GALNT13: variants seen among roughly 807,000 people sequenced by gnomAD.
The protein encoded by GALNT13 is UDP-GalNAc:polypeptide N-acetylgalactosaminyltransferase 13.
In GALNT13, 28 loss-of-function variants were observed where a neutral mutation model predicts 64.2. That is an observed-to-expected ratio of 0.44 (90% confidence interval 0.32 to 0.60). GALNT13 has a LOEUF of 0.60. Among genes scored for constraint, GALNT13 ranks in the 20% least tolerant of loss-of-function variants. GALNT13 has a pLI of 0.05. For missense variants in GALNT13, 577 were observed against 669.8 expected (o/e 0.86, Z 1.53); for synonymous variants, 214 against 224.6 (o/e 0.95, Z 0.42).
the GALNT13 span, among the ~76,000 whole-genome samples, chr2:153,101,828 C>A: frequency 3.3e-5 from 5 of 152,306 alleles, no homozygotes; most frequent in South Asian, 4.1e-4. Flanking sequence ...TCTGTCTTTG[C>A]GTAGAAATAA....
the GALNT13 span, among the ~76,000 whole-genome samples, chr2:153,381,147 A>G: frequency 6.6e-6 from 1 of 151,940 alleles, no homozygotes; most frequent in Non-Finnish European, 1.5e-5. Flanking sequence ...GGGTGTCACC[A>G]TGTTTCCCAG....
chr2:153,973,641 T>C (rs1278777933), intron 3 of GALNT13, among the ~76,000 whole-genome samples: 2 of 151,872 alleles, frequency 1.3e-5, no homozygotes, highest in African/African-American at 4.8e-5. Flanking sequence ...GTTCAGAACC[T>C]ATGATTGATC....
chr2:153,770,079 G>T, the GALNT13 span, among the ~76,000 whole-genome samples: 2 of 152,060 alleles, frequency 1.3e-5, no homozygotes, highest in Non-Finnish European at 2.9e-5. Context: ...ATTTCATTTT[G>T]GTTAAGATCC....
intron 4 of GALNT13, among the ~76,000 whole-genome samples, chr2:154,163,932 T>C (rs997483358): frequency 6.6e-6 from 1 of 152,206 alleles, no homozygotes; most frequent in African/African-American, 2.4e-5. Flanking sequence ...ATAATAGTAT[T>C]GACTTTGATA....
chr2:153,147,585 G>A, the GALNT13 span, among the ~76,000 whole-genome samples: 48 of 148,644 alleles, frequency 3.2e-4, no homozygotes, highest in African/African-American at 1.1e-3. Context: ...TTTTGAAATC[G>A]GTTACAGTAA....
At chr2:153,331,248 C>T in the GALNT13 span, among the ~76,000 whole-genome samples, 99,961 of 149,594 alleles carry the variant, frequency 0.67, 34,596 homozygotes, top group Non-Finnish European at 0.74. Context: ...TTCATCATGT[C>T]TTTGCCAAGT....
intron 9 of GALNT13, among the ~76,000 whole-genome samples, chr2:154,326,417 A>G (rs1489133485): frequency 6.6e-6 from 1 of 152,020 alleles, no homozygotes; most frequent in African/African-American, 2.4e-5. Context: ...GACATTTGAT[A>G]CTTGGAACAT....
At chr2:154,017,536 A>G (rs1697092432) in intron 3 of GALNT13, among the ~76,000 whole-genome samples, 1 of 152,192 alleles carries the variant, frequency 6.6e-6, no homozygotes, top group Non-Finnish European at 1.5e-5. Flanking sequence ...CTAGGGTGTT[A>G]TTCATAAGTG....
chr2:153,378,069 A>T, the GALNT13 span, among the ~76,000 whole-genome samples: 1 of 152,142 alleles, frequency 6.6e-6, no homozygotes, highest in Admixed American at 6.6e-5. Flanking sequence ...AGAGTCTCAA[A>T]ATAATTCAAA....
chr2:153,751,527 G>C, the GALNT13 span, among the ~76,000 whole-genome samples: 2 of 151,724 alleles, frequency 1.3e-5, no homozygotes, highest in African/African-American at 4.8e-5. Context: ...GGGTGCATAT[G>C]TATTAAAAAT....
At chr2:154,133,686 T>TA (rs1280553093) in intron 3 of GALNT13, among the ~76,000 whole-genome samples, 1 of 150,902 alleles carries the variant, frequency 6.6e-6, no homozygotes, top group East Asian at 2.0e-4. Flanking sequence ...CCTTCTACTT[T>TA]AAAAAAATTA....
At chr2:153,712,666 A>G in the GALNT13 span, among the ~76,000 whole-genome samples, 1 of 152,182 alleles carries the variant, frequency 6.6e-6, no homozygotes, top group African/African-American at 2.4e-5. Context: ...ACTCCATTAA[A>G]TGATTATTTT....
chr2:153,094,441 T>C, the GALNT13 span, among the ~76,000 whole-genome samples: 1 of 152,154 alleles, frequency 6.6e-6, no homozygotes, highest in Admixed American at 6.5e-5. Context: ...AGAATCAATA[T>C]TGTGAAAATG....
Position 154,122,304 on chromosome 2 carries a change from C to G in GALNT13, c.143-18033C>G, listed in dbSNP as rs114569010. Reference sequence around the variant, plus strand: ...ATAAAAAATAGCTTCAATTTTTATTCAAATTGGGTTTAGATTGCTGTTTTA... The same window carrying G: ...ATAAAAAATAGCTTCAATTTTTATTGAAATTGGGTTTAGATTGCTGTTTTA... On this transcript the variant is annotated intron_variant, in intron 3 of 12. Coordinates refer to ENST00000392825, the MANE Select transcript of GALNT13 (RefSeq NM_052917.4). 8.2e-3 allele frequency among the ~76,000 whole-genome samples: 1,237 copies of G among 151,642 alleles called. 14 individuals are homozygous for G. Among genetic ancestry groups the G allele is most frequent in the African/African-American group, 0.028 (1,148 of 41,398 alleles).
At chr2:153,474,030 G>C in the GALNT13 span, among the ~76,000 whole-genome samples, 1 of 152,150 alleles carries the variant, frequency 6.6e-6, no homozygotes, top group Non-Finnish European at 1.5e-5. Flanking sequence ...GTTAAAAACT[G>C]TCATCTACTC....
At chr2:153,444,732 G>A in the GALNT13 span, among the ~76,000 whole-genome samples, 1 of 152,048 alleles carries the variant, frequency 6.6e-6, no homozygotes, top group African/African-American at 2.4e-5. Flanking sequence ...TTAACAAAAT[G>A]CATTTAAGAT....
intron 8 of GALNT13, among the ~76,000 whole-genome samples, chr2:154,264,620 G>C (rs1017565016): frequency 6.6e-6 from 1 of 152,006 alleles, no homozygotes; most frequent in Non-Finnish European, 1.5e-5. Flanking sequence ...CTGGACAACA[G>C]AGCGAGACTC....
chr2:153,433,000 A>G, the GALNT13 span, among the ~76,000 whole-genome samples: 1 of 152,014 alleles, frequency 6.6e-6, no homozygotes, highest in African/African-American at 2.4e-5. Context: ...GCACGTGCAC[A>G]CACACACAGG....
chr2:153,671,206 C>T, the GALNT13 span, among the ~76,000 whole-genome samples: 1 of 152,096 alleles, frequency 6.6e-6, no homozygotes, highest in Admixed American at 6.6e-5. Flanking sequence ...GAGAACACCA[C>T]AAAGATACTC....
Sources: gnomAD v4.1 joint callset for allele counts (sites outside exome capture counted in the v4.1 genomes callset) on GRCh38, gnomAD v4.1.1 for gene constraint, MANE v1.5 for transcripts, NCBI Gene and HGNC (gene_info 2026-07-23, HGNC 2026-07-21) for gene names.